Variants in NOP14 observed in about 807,000 individuals in gnomAD.
NOP14 encodes NOP14 nucleolar protein.
Under a neutral mutation model 101.6 loss-of-function variants are expected in NOP14, and 57 were observed. The observed-to-expected ratio is 0.56, with a 90% CI of 0.45 to 0.70. The LOEUF is 0.70. Ranked by LOEUF, NOP14 falls within the 30% of genes least tolerant of loss-of-function variation. NOP14 has a pLI of 0.00. For synonymous variants in NOP14, 428 were observed against 424.0 expected (o/e 1.01, Z -0.12); for missense variants, 1,134 against 1,075.5 (o/e 1.05, Z -0.76).
At chr4:2,953,988 T>C (rs952126720) in intron 4 of NOP14, among the ~76,000 whole-genome samples, 4 of 152,172 alleles carry the variant, frequency 2.6e-5, no homozygotes, top group African/African-American at 9.7e-5. Context: ...GCTTTAGAAC[T>C]AGGCCAAGGT....
chr4:2,942,441 C>T, intron 13 of NOP14, 90 bp from the exon 14 acceptor site: 1 of 1,306,464 alleles, frequency 7.7e-7, no homozygotes, highest in Non-Finnish European at 1.1e-6. Flanking sequence ...GAAGTTCACC[C>T]TCTAACAGAC....
Position 2,949,957 on chromosome 4 carries a change from T to C in NOP14, c.1259A>G (p.Asp420Gly). 1 of 1,614,110 alleles carries C rather than the reference T, an allele frequency of 6.2e-7. No homozygotes were observed. The highest frequency in any genetic ancestry group is 8.5e-7 in the Non-Finnish European group (1 of 1,180,012). The change falls in exon 8 of 18, where the codon GAC becomes GGC. Residue 420 changes from aspartate (D) to glycine (G), a missense_variant. Transcript: ENST00000416614. ...ACCTGCGAACGTGTAGGGCAGCTCG[T>C]CTCTGGTAGCTTTTCCAGCTCTTTC... ...GKERAGKATR[D>G]ELPYTFAAPE...
chr4:2,942,683 C>G (rs930295530), intron 13 of NOP14, among the ~76,000 whole-genome samples: 2 of 152,266 alleles, frequency 1.3e-5, no homozygotes, highest in Admixed American at 1.3e-4. Context: ...CTGCCCCTGT[C>G]GGGGAGACAG....
intron 15 of NOP14, 48 bp from the exon 16 acceptor site, chr4:2,939,693 G>A: frequency 7.1e-7 from 1 of 1,401,022 alleles, no homozygotes; most frequent in South Asian, 1.2e-5. Context: ...CCTGCTGCGT[G>A]CCCTGAGCTC....
In NOP14 at chr4:2,950,151, A is replaced by G. The variant is rs1340476353; in HGVS notation, c.1065T>C (p.Pro355=). ...TGTCACCTTCTTCCTCGTTGCTCTC[A>G]GGGTCACTGGCTTCCTTGCTTTGCT... is the stretch of plus-strand genomic sequence containing the variant. ...QEEQSKEASD[P]ESNEEEGDSS... Residue 355 remains proline (P), a synonymous_variant, in exon 8 of 18, where the codon CCT becomes CCC. Transcript: ENST00000416614. The G allele has an allele frequency of 6.2e-7, 1 of 1,614,048 alleles. No homozygotes were observed. Among genetic ancestry groups the G allele is most frequent in the Non-Finnish European group, 8.5e-7 (1 of 1,179,992 alleles).
chr4:2,948,990 G>A (rs2995797), intron 8 of NOP14, among the ~76,000 whole-genome samples: 49,111 of 151,890 alleles, frequency 0.32, 8,191 homozygotes, highest in African/African-American at 0.36. Context: ...AACACCCACA[G>A]TTTCAGAGCA....
At position 2,944,126 on chromosome 4, in the gene NOP14, A is replaced by G. The variant is rs750311279; in HGVS notation, c.1838T>C (p.Ile613Thr). The G allele has an allele frequency of 1.2e-6, 2 of 1,613,806 alleles. No homozygotes were observed. The highest frequency in any genetic ancestry group is 1.1e-5 in the South Asian group (1 of 90,948). The change falls in exon 13 of 18, where the codon ATT becomes ACT. Residue 613 changes from isoleucine (I) to threonine (T), a missense_variant. Physicochemically the swap from Ile to Thr is moderately conservative, Grantham distance 89 (BLOSUM62 -1). Transcript: ENST00000416614. ...GTAAAGAATCCCAAGAAGAAAATTA[A>G]TAAGCTCAGGTATAAACCTCTGGGA... Reference protein sequence around the residue: ...ALSQRFIPELINFLLGILYIA... With the variant: ...ALSQRFIPELTNFLLGILYIA...
chr4:2,958,382 G>A (rs1577850830), intron 1 of NOP14, among the ~76,000 whole-genome samples: 1 of 152,234 alleles, frequency 6.6e-6, no homozygotes, highest in Non-Finnish European at 1.5e-5. Context: ...GCTGTGAGAG[G>A]ACAGAGATGG....
At position 2,938,241 on chromosome 4, in the gene NOP14, A is replaced by C. The variant is rs1032060869; in HGVS notation, c.*590T>G. On this transcript the variant is annotated 3_prime_UTR_variant, in exon 18 of 18. Coordinates refer to ENST00000416614, the MANE Select transcript of NOP14 (RefSeq NM_001291978.2). ...TAGCATTATTACTCTAAAAAAAATTACTTTTTTGGCTGGGTGCTGTGGCTC... is the reference window on the plus strand; with the variant it reads ...TAGCATTATTACTCTAAAAAAAATTCCTTTTTTGGCTGGGTGCTGTGGCTC... 5 of 1,288,616 alleles carry C rather than the reference A, an allele frequency of 3.9e-6. No individual in the cohort carries two copies. In the African/African-American group the frequency reaches 7.6e-5, roughly 20 times the overall value. The allele number at this position is 1,288,616 out of a possible 1,614,324, so 79.8% of individuals were successfully genotyped here.
intron 3 of NOP14, 51 bp from the exon 4 acceptor site, chr4:2,954,614 G>A (rs776652998): frequency 2.1e-5 from 33 of 1,597,596 alleles, no homozygotes; most frequent in Non-Finnish European, 2.6e-5. Flanking sequence ...CCTGGCGTGG[G>A]AAGTGTTTCC....
chr4:2,938,514 AAT>A lies in NOP14; in HGVS notation c.*315_*316del. 4 of 364,710 alleles carry A rather than the reference AAT, an allele frequency of 1.1e-5. No homozygotes were observed. Among genetic ancestry groups the A allele is most frequent in the Admixed American group, 4.1e-5 (1 of 24,106 alleles). The allele number at this position is 364,710 out of a possible 1,614,324, so 22.6% of individuals were successfully genotyped here. Reference sequence around the variant, plus strand: ...AGCAAAACTCCGTCTCAAAAAAAAAAATTTTTTTTTAAGCGACACAGTCTTGC... The same window carrying A: ...AGCAAAACTCCGTCTCAAAAAAAAAATTTTTTTTAAGCGACACAGTCTTGC... On this transcript the variant is annotated 3_prime_UTR_variant, in exon 18 of 18. Coordinates refer to ENST00000416614, the MANE Select transcript of NOP14 (RefSeq NM_001291978.2).
At chr4:2,939,679 C>T (rs1161803241) in intron 15 of NOP14, 34 bp from the exon 16 acceptor site, 2 of 1,521,086 alleles carry the variant, frequency 1.3e-6, no homozygotes, top group East Asian at 2.2e-5. Flanking sequence ...TCTGCGATGA[C>T]TCACCTGCTG....
At chr4:2,948,249 A>G in intron 9 of NOP14, 29 bp downstream of exon 9, 1 of 1,571,620 alleles carries the variant, frequency 6.4e-7, no homozygotes, top group Non-Finnish European at 8.6e-7. Flanking sequence ...TGACACTCCC[A>G]GCGCTCCACA....
At chr4:2,950,473 C>T (rs1047507083) in intron 7 of NOP14, 13 of 532,802 alleles carry the variant, frequency 2.4e-5, no homozygotes, top group Non-Finnish European at 3.7e-5. Flanking sequence ...TGCCAGGGAG[C>T]AGCATGGGAC....
At chr4:2,953,773 A>C (rs1330642540) in intron 4 of NOP14, 128 bp from the exon 5 acceptor site, 1 of 977,596 alleles carries the variant, frequency 1.0e-6, no homozygotes, top group Non-Finnish European at 1.5e-6. Context: ...AACACAGAAA[A>C]GAGGCCAGGA....
At chr4:2,939,987 T>C (rs1465033239) in intron 15 of NOP14, among the ~76,000 whole-genome samples, 1 of 152,146 alleles carries the variant, frequency 6.6e-6, no homozygotes, top group Non-Finnish European at 1.5e-5. Context: ...ACAGAACCCC[T>C]CTTTCCCAGA....
chr4:2,952,913 C>G (rs1008937187), intron 5 of NOP14, among the ~76,000 whole-genome samples: 1 of 152,252 alleles, frequency 6.6e-6, no homozygotes, highest in African/African-American at 2.4e-5. Context: ...TACACTCCAG[C>G]CTGGGTGACA....
At position 2,938,268 on chromosome 4, in the gene NOP14, C is replaced by A. The variant is rs762149882; in HGVS notation, c.*563G>T. ...TTTTTTGGCTGGGTGCTGTGGCTCACACCTATAATTGGGGGGCCAAGGCAG... is the reference window on the plus strand; with the variant it reads ...TTTTTTGGCTGGGTGCTGTGGCTCAAACCTATAATTGGGGGGCCAAGGCAG... On this transcript the variant is annotated 3_prime_UTR_variant, in exon 18 of 18. Coordinates refer to ENST00000416614, the MANE Select transcript of NOP14 (RefSeq NM_001291978.2). 5.5e-6 allele frequency: 7 copies of A among 1,276,810 alleles called. No individual in the cohort carries two copies. The highest frequency in any genetic ancestry group is 7.2e-6 in the Non-Finnish European group (7 of 977,668). The allele number at this position is 1,276,810 out of a possible 1,614,324, so 79.1% of individuals were successfully genotyped here.
chr4:2,957,542 C>A, intron 2 of NOP14, 64 bp downstream of exon 2: 1 of 1,586,726 alleles, frequency 6.3e-7, no homozygotes, highest in Non-Finnish European at 8.6e-7. Context: ...AGTCAGCCTT[C>A]TCCTTGGCCT....
Sources: allele counts gnomAD v4.1 joint callset (sites outside exome capture counted in the v4.1 genomes callset), GRCh38; gene constraint gnomAD v4.1.1; transcripts MANE v1.5; gene names NCBI Gene and HGNC (gene_info 2026-07-23, HGNC 2026-07-21).